The following ARHGAP23 variants were observed in gnomAD, a reference collection of about 807,000 sequenced individuals.
ARHGAP23 encodes the protein Rho GTPase activating protein 23.
In ARHGAP23, 34 loss-of-function variants were observed where a neutral mutation model predicts 136.3. That is an observed-to-expected ratio of 0.25 (90% CI 0.19 to 0.33). ARHGAP23 has a LOEUF of 0.33. Among genes scored for constraint, ARHGAP23 ranks in the 10% least tolerant of loss-of-function variants. The probability of loss-of-function intolerance (pLI) is 1.00; values close to 1 mark genes in which losing one functional copy is unlikely to be tolerated. For synonymous variants in ARHGAP23, 832 were observed against 920.5 expected (o/e 0.90, Z 1.74); for missense variants, 1,808 against 2,139.0 (o/e 0.85, Z 3.05).
In ARHGAP23 at chr17:38,448,641, G is replaced by GTT. The variant is rs11327949; in HGVS notation, c.64-9440_64-9439dup. Reference sequence around the variant, plus strand: ...TGCTGCCACTGAAAGAACTTGGGGAGTTTTTTTTTTTTTTTTTTTTTTGAG... The same window carrying GTT: ...TGCTGCCACTGAAAGAACTTGGGGAGTTTTTTTTTTTTTTTTTTTTTTTTGAG... On this transcript the variant is annotated intron_variant, in intron 1 of 23. Coordinates refer to ENST00000622683, the MANE Select transcript of ARHGAP23 (RefSeq NM_001199417.2). Among the ~76,000 whole-genome samples, 918 of 106,110 alleles carry GTT rather than the reference G, an allele frequency of 8.7e-3. 29 individuals are homozygous for GTT. The highest frequency in any genetic ancestry group is 0.03 in the African/African-American group (771 of 25,660). The allele number at this position is 106,110 out of a possible 152,430, so 69.6% of individuals were successfully genotyped here.
chr17:38,474,897 C>T (rs1233076709), intron 11 of ARHGAP23, among the ~76,000 whole-genome samples: 1 of 152,146 alleles, frequency 6.6e-6, no homozygotes, highest in Non-Finnish European at 1.5e-5. Context: ...CCCTTCCAGT[C>T]TAACGTGTGA....
At chr17:38,457,781 T>C (rs1362158532) in intron 1 of ARHGAP23, 2 of 457,022 alleles carry the variant, frequency 4.4e-6, no homozygotes, top group African/African-American at 4.0e-5. Flanking sequence ...GTCCTGCACA[T>C]AGTAGGTGCT....
chr17:38,483,827 G>C (rs1189851224), intron 16 of ARHGAP23, among the ~76,000 whole-genome samples: 1 of 152,188 alleles, frequency 6.6e-6, no homozygotes, highest in African/African-American at 2.4e-5. Flanking sequence ...GGGGGCAGGT[G>C]GACGGGAAGC....
Position 38,443,215 on chromosome 17 carries a change from C to G in ARHGAP23, c.63+14667C>G, listed in dbSNP as rs545615514. 3.3e-5 allele frequency among the ~76,000 whole-genome samples: 5 copies of G among 152,304 alleles called. No individual in the cohort carries two copies. The South Asian group carries it at 8.3e-4, about 25-fold the overall frequency. The stretch of plus-strand genomic sequence containing the variant: ...CCTCCCTGTCCCCAAGCCTCGGTGC[C>G]CCTGCAGGTCACCCAGCATTCCCTG... On this transcript the variant is annotated intron_variant, in intron 1 of 23. Transcript: ENST00000622683.
chr17:38,457,844 T>A, intron 1 of ARHGAP23: 1 of 567,070 alleles, frequency 1.8e-6, no homozygotes, highest in Non-Finnish European at 3.1e-6. Context: ...CTTGCTTCAG[T>A]GAGTTATTTT....
intron 14 of ARHGAP23, among the ~76,000 whole-genome samples, chr17:38,481,716 A>T (rs2040046641): frequency 6.6e-6 from 1 of 152,184 alleles, no homozygotes; most frequent in Non-Finnish European, 1.5e-5. Context: ...CTATGATCAT[A>T]CCACTGCACT....
chr17:38,477,609 CG>C lies in ARHGAP23; in HGVS notation c.2152del (p.Val718CysfsTer12). 7.8e-7 allele frequency: 1 copy of C among 1,278,068 alleles called. No homozygotes were observed. Among genetic ancestry groups the C allele is most frequent in the Non-Finnish European group, 9.9e-7 (1 of 1,007,180 alleles). 79.2% of individuals were successfully genotyped at this position (1,278,068 alleles called of 1,614,324 possible). A position where few individuals can be genotyped will look rare whatever the true frequency, so the allele number is the denominator to read the frequency against. ...GGGCAGCGGCCTGCGCCAGTGGAAG[CG>C]GGTGTACGCCGCGCTGCGGGCGCGC... Reference protein sequence around the residue: ...KAGSGLRQWKRVYAALRARSL... With the variant: ...KAGSGLRQWKXVYAALRARSL... On this transcript the variant is annotated frameshift_variant, in exon 12 of 24. Transcript: ENST00000622683. LOFTEE classifies it high-confidence loss of function. This position sits in a 1 kb window ranked among gnomAD's most constrained non-coding sequence, Gnocchi z 6.6.
chr17:38,484,618 A>G lies in ARHGAP23; in HGVS notation c.2908-1444A>G, dbSNP rs148100054. Among the ~76,000 whole-genome samples, 986 of 152,188 alleles carry G rather than the reference A, an allele frequency of 6.5e-3. 28 individuals are homozygous for G. Among genetic ancestry groups the G allele is most frequent in the East Asian group, 0.056 (288 of 5,162 alleles). ...CACTGGCCAGGGCATTGGGTTTGGCAGCTGGGAGATGAGAGGAGCTCACAC... is the reference window on the plus strand; with the variant it reads ...CACTGGCCAGGGCATTGGGTTTGGCGGCTGGGAGATGAGAGGAGCTCACAC... On this transcript the variant is annotated intron_variant, in intron 16 of 23. Transcript: ENST00000622683.
chr17:38,496,567 A>G (rs1050459788), intron 20 of ARHGAP23, among the ~76,000 whole-genome samples: 11 of 152,246 alleles, frequency 7.2e-5, no homozygotes, highest in African/African-American at 2.7e-4. Flanking sequence ...TCAAGTATTC[A>G]GTTAAGAGAG....
chr17:38,479,631 G>T, intron 13 of ARHGAP23, 122 bp from the exon 14 acceptor site: 2 of 1,412,448 alleles, frequency 1.4e-6, no homozygotes, highest in South Asian at 2.7e-5. Context: ...CCAGGCTGCA[G>T]TTAGGCATGG....
chr17:38,473,815 G>A (rs1179747138), intron 11 of ARHGAP23, among the ~76,000 whole-genome samples: 1 of 152,186 alleles, frequency 6.6e-6, no homozygotes, highest in Non-Finnish European at 1.5e-5. Flanking sequence ...GAGGGGTGCT[G>A]GGAGCCAGGG....
chr17:38,510,937 C>T lies in ARHGAP23; in HGVS notation c.4441C>T (p.Arg1481Cys), dbSNP rs1244052954. Residue 1481 changes from arginine to cysteine, a missense_variant, in exon 24 of 24, where the codon CGC becomes TGC. Around this residue, in one of 7 missense-constraint regions of ARHGAP23, gnomAD observed 506 missense variants for 455.8 expected, o/e 1.11. Coordinates refer to ENST00000622683, the MANE Select transcript of ARHGAP23 (RefSeq NM_001199417.2). This position sits in a 1 kb window ranked among gnomAD's most constrained non-coding sequence, Gnocchi z 4.6. ...GTCCCTGCAGAGCCAGCCCCCGCGC[C>T]GCTCGGCCGCCTCCCGCCTGCATCA... ...TGSLQSQPPR[R>C]SAASRLHQCL 1 of 1,466,670 alleles carries T rather than the reference C, an allele frequency of 6.8e-7. No homozygotes were observed. Among genetic ancestry groups the T allele is most frequent in the Non-Finnish European group, 8.9e-7 (1 of 1,120,804 alleles). 90.9% of individuals were successfully genotyped at this position (1,466,670 alleles called of 1,614,324 possible).
Position 38,510,315 on chromosome 17 carries a change from T to A in ARHGAP23, c.3819T>A (p.Asp1273Glu). The change falls in exon 24 of 24, where the codon GAT becomes GAA. Residue 1273 changes from aspartate to glutamate, a missense_variant. Asp to Glu is a conservative substitution (Grantham distance 45, BLOSUM62 2). This residue lies in a region of ARHGAP23 where 506 missense variants were observed against 455.8 expected (regional missense o/e 1.11). Transcript: ENST00000622683. This position sits in a 1 kb window ranked among gnomAD's most constrained non-coding sequence, Gnocchi z 4.6. ...GASGRRAGAG[D>E]EADDERSELS... The stretch of plus-strand genomic sequence containing the variant: ...GCGGTCGGCGGGCAGGGGCGGGGGA[T>A]GAGGCGGACGACGAGCGTAGCGAGC... The A allele has an allele frequency of 1.6e-6, 2 of 1,271,274 alleles. No individual in the cohort carries two copies. Among genetic ancestry groups the A allele is most frequent in the Non-Finnish European group, 2.0e-6 (2 of 1,010,436 alleles). 78.7% of individuals were successfully genotyped at this position (1,271,274 alleles called of 1,614,324 possible).
At chr17:38,462,814 C>A in intron 3 of ARHGAP23, 32 bp from the exon 4 acceptor site, 1 of 1,461,360 alleles carries the variant, frequency 6.8e-7, no homozygotes, top group South Asian at 1.4e-5. Context: ...CTTCCCCAGC[C>A]ACCCCCAGCT....
At chr17:38,474,519 C>T (rs1285210911) in intron 11 of ARHGAP23, among the ~76,000 whole-genome samples, 1 of 152,044 alleles carries the variant, frequency 6.6e-6, no homozygotes, top group Non-Finnish European at 1.5e-5. Flanking sequence ...CCATGGCATA[C>T]TGGAGGAACA....
In ARHGAP23 at chr17:38,429,711, G is replaced by T. The variant is rs571682668; in HGVS notation, c.63+1163G>T. On this transcript the variant is annotated intron_variant, in intron 1 of 23. Transcript: ENST00000622683. ...TGAACTTGAAATTCAGGATGGACGG[G>T]GGGTGGGGGTGGAGGTCATGAATCC... Among the ~76,000 whole-genome samples the T allele has an allele frequency of 2.0e-5, 3 of 152,250 alleles. No homozygotes were observed. The East Asian group carries it at 5.8e-4, about 29-fold the overall frequency.
At chr17:38,474,196 C>T (rs1488485562) in intron 11 of ARHGAP23, among the ~76,000 whole-genome samples, 1 of 152,226 alleles carries the variant, frequency 6.6e-6, no homozygotes, top group Admixed American at 6.5e-5. Flanking sequence ...GCTTGGATTA[C>T]AGGCGTGAGC....
intron 1 of ARHGAP23, among the ~76,000 whole-genome samples, chr17:38,433,226 G>T (rs2038722944): frequency 6.6e-6 from 1 of 152,156 alleles, no homozygotes; most frequent in Non-Finnish European, 1.5e-5. Flanking sequence ...CTCCCAAAGT[G>T]CGGGGATTAC....
intron 17 of ARHGAP23, among the ~76,000 whole-genome samples, chr17:38,487,450 G>A (rs527238022): frequency 2.1e-3 from 325 of 152,282 alleles, no homozygotes; most frequent in African/African-American, 7.5e-3. Flanking sequence ...TCAAAGTCCC[G>A]GTGAACCTTT....
Sources: gnomAD v4.1 joint callset for allele counts (sites outside exome capture counted in the v4.1 genomes callset) on GRCh38, gnomAD v4.1.1 for gene constraint, gnomAD v4.1.1 regional missense constraint, Gnocchi (gnomAD v3.1) non-coding constraint, MANE v1.5 for transcripts, NCBI Gene and HGNC (gene_info 2026-07-23, HGNC 2026-07-21) for gene names.